DNM3: variants seen among roughly 807,000 people sequenced by gnomAD.
The protein encoded by DNM3 is dynamin-3.
Under a neutral mutation model 101.6 loss-of-function variants are expected in DNM3, and 47 were observed. The observed-to-expected ratio is 0.46, with a 90% CI of 0.37 to 0.59. The LOEUF (loss-of-function observed/expected upper bound fraction) is 0.59, where lower values mean the gene tolerates loss of function less well. Ranked by LOEUF, DNM3 falls within the 20% of genes least tolerant of loss-of-function variation. The probability of loss-of-function intolerance (pLI) is 0.00; values close to 1 mark genes in which losing one functional copy is unlikely to be tolerated. For synonymous variants in DNM3, 385 were observed against 387.9 expected, an observed-to-expected ratio of 0.99 and a Z score of 0.09; for missense variants, 849 against 1,085.7, an observed-to-expected ratio of 0.78 and a Z score of 3.06.
Position 171,845,223 on chromosome 1 carries a change from C to A in DNM3, c.161+3406C>A, listed in dbSNP as rs529055262. Reference sequence around the variant, plus strand: ...TTCCTCTGATAAATACTTTTAACTTCTGTCTTGCTCCCTATATAAATGTTA... The same window carrying A: ...TTCCTCTGATAAATACTTTTAACTTATGTCTTGCTCCCTATATAAATGTTA... On this transcript the variant is annotated intron_variant, in intron 1 of 20. Transcript: ENST00000627582. Among the ~76,000 whole-genome samples the A allele has an allele frequency of 5.9e-5, 9 of 152,300 alleles. No individual in the cohort carries two copies. The South Asian group carries it at 1.7e-3, about 28-fold the overall frequency.
At chr1:172,413,649 C>T (rs891898018), downstream of DNM3, among the ~76,000 whole-genome samples, 4 of 152,102 alleles carry the variant, frequency 2.6e-5, no homozygotes, top group Non-Finnish European at 5.9e-5. Flanking sequence ...ATGACAAGTC[C>T]CTTATCAATT....
chr1:172,215,177 A>G (rs1356603638), intron 14 of DNM3, among the ~76,000 whole-genome samples: 2 of 151,908 alleles, frequency 1.3e-5, no homozygotes, highest in Admixed American at 6.6e-5. Context: ...CTCTTTTAGT[A>G]GTCATTGTTT....
chr1:172,007,386 C>T lies in DNM3; in HGVS notation c.589+18238C>T, dbSNP rs78522701. Among the ~76,000 whole-genome samples the T allele has an allele frequency of 1.7e-3, 261 of 152,156 alleles. 5 individuals are homozygous for T. In the East Asian group the frequency reaches 0.047, roughly 28 times the overall value. On this transcript the variant is annotated intron_variant, in intron 4 of 20. Coordinates refer to ENST00000627582, the MANE Select transcript of DNM3 (RefSeq NM_015569.5). The stretch of plus-strand genomic sequence containing the variant: ...TGCATGTCTCTGAGTGTCATCTTAG[C>T]GGTGATGCTGAGCATCAGTTCACGT...
intron 18 of DNM3, among the ~76,000 whole-genome samples, chr1:172,385,992 G>GT (rs2069156468): frequency 6.6e-6 from 1 of 152,070 alleles, no homozygotes; most frequent in Non-Finnish European, 1.5e-5. Flanking sequence ...AAGTCAGAAG[G>GT]TTATGGATTC....
At chr1:172,362,123 T>C (rs2067773091) in intron 17 of DNM3, among the ~76,000 whole-genome samples, 1 of 152,002 alleles carries the variant, frequency 6.6e-6, no homozygotes, top group Admixed American at 6.6e-5. Flanking sequence ...TCTCTTCTTA[T>C]TCTTCCTTTA....
At chr1:172,143,041 C>T (rs1270281484) in intron 14 of DNM3, among the ~76,000 whole-genome samples, 1 of 151,896 alleles carries the variant, frequency 6.6e-6, no homozygotes, top group Admixed American at 6.6e-5. Context: ...TATATTTTAA[C>T]TAATAATCAT....
chr1:172,233,840 GC>G (rs1167610402), intron 14 of DNM3, among the ~76,000 whole-genome samples: 2 of 151,838 alleles, frequency 1.3e-5, no homozygotes, highest in African/African-American at 4.8e-5. Context: ...AAATTCAACA[GC>G]CCTTCACGCT....
chr1:171,997,686 T>C lies in DNM3; in HGVS notation c.589+8538T>C, dbSNP rs570382558. On this transcript the variant is annotated intron_variant, in intron 4 of 20. Transcript: ENST00000627582. ...TTGCTTAAAAGACATTTATCAGGCA[T>C]CTGTTGAGCCAGCAAAATGCTCCTG... 9.9e-5 allele frequency among the ~76,000 whole-genome samples: 15 copies of C among 152,280 alleles called. No individual in the cohort carries two copies. In the East Asian group the frequency reaches 2.9e-3, roughly 29 times the overall value.
chr1:172,168,906 C>G lies in DNM3; in HGVS notation c.1659+37618C>G, dbSNP rs1179488980. Among the ~76,000 whole-genome samples the G allele has an allele frequency of 5.3e-5, 8 of 151,870 alleles. No individual in the cohort carries two copies. The East Asian group carries it at 1.2e-3, about 22-fold the overall frequency. ...AAGGGGTTTCTTGGTAAAAGATTATCAAGAAGGGGTTTCTACTATGTTGTA... is the reference window on the plus strand; with the variant it reads ...AAGGGGTTTCTTGGTAAAAGATTATGAAGAAGGGGTTTCTACTATGTTGTA... On this transcript the variant is annotated intron_variant, in intron 14 of 20. Coordinates refer to ENST00000627582, the MANE Select transcript of DNM3 (RefSeq NM_015569.5).
intron 14 of DNM3, among the ~76,000 whole-genome samples, chr1:172,191,110 G>A (rs990292507): frequency 6.6e-6 from 1 of 152,060 alleles, no homozygotes; most frequent in Non-Finnish European, 1.5e-5. Flanking sequence ...GTCCTGAATG[G>A]TATTGCCTAG....
At chr1:171,979,751 G>A (rs1453970571) in intron 2 of DNM3, among the ~76,000 whole-genome samples, 1 of 152,166 alleles carries the variant, frequency 6.6e-6, no homozygotes, top group Non-Finnish European at 1.5e-5. Context: ...GAAGAAAACT[G>A]TAAAGGCTAT....
At chr1:172,128,335 A>G (rs928771612) in intron 13 of DNM3, among the ~76,000 whole-genome samples, 4 of 151,994 alleles carry the variant, frequency 2.6e-5, no homozygotes, top group African/African-American at 9.7e-5. Flanking sequence ...GAATTTGTCA[A>G]CTCCTCCAGT....
chr1:172,038,507 C>A, intron 7 of DNM3, 46 bp downstream of exon 7: 2 of 1,597,348 alleles, frequency 1.3e-6, no homozygotes, highest in Non-Finnish European at 1.7e-6. Context: ...AATCTAATTT[C>A]TTTAGTTTTC....
At chr1:172,146,005 A>C (rs1392527115) in intron 14 of DNM3, among the ~76,000 whole-genome samples, 1 of 152,158 alleles carries the variant, frequency 6.6e-6, no homozygotes, top group Non-Finnish European at 1.5e-5. Context: ...TTCTGATCAA[A>C]GCTAGAGTCG....
At position 171,862,524 on chromosome 1, in the gene DNM3, G is replaced by A. The variant is rs1254332962; in HGVS notation, c.161+20707G>A. Among the ~76,000 whole-genome samples, 5 of 152,126 alleles carry A rather than the reference G, an allele frequency of 3.3e-5. 1 individual carries two copies. Among genetic ancestry groups the A allele is most frequent in the African/African-American group, 4.8e-5 (2 of 41,446 alleles). Reference sequence around the variant, plus strand: ...CAATAGTATATGATTCCATTTATATGAAATGTATAGAGTAGAGACAGAAAG... The same window carrying A: ...CAATAGTATATGATTCCATTTATATAAAATGTATAGAGTAGAGACAGAAAG... On this transcript the variant is annotated intron_variant, in intron 1 of 20. Transcript: ENST00000627582.
chr1:172,154,813 G>GA (rs2058275505), intron 14 of DNM3, among the ~76,000 whole-genome samples: 1 of 152,122 alleles, frequency 6.6e-6, no homozygotes, highest in South Asian at 2.1e-4. Flanking sequence ...AAATTAAAAC[G>GA]AAAGTCTCAT....
intron 15 of DNM3, among the ~76,000 whole-genome samples, chr1:172,299,105 G>A (rs116665944): frequency 2.6e-5 from 4 of 152,174 alleles, no homozygotes; most frequent in Non-Finnish European, 5.9e-5. Flanking sequence ...ACTGTGCAAA[G>A]AGAGATGGAA....
rs999751478 is a variant in DNM3 at position 171,841,920 on chromosome 1, G to A, written c.161+103G>A. On this transcript the variant is annotated intron_variant, in intron 1 of 20. Coordinates refer to ENST00000627582, the MANE Select transcript of DNM3 (RefSeq NM_015569.5). ...CGGGAGCCAGAGGGTGGATGGACCA[G>A]GCGCTGCGGTGGAATGGGGGGCAGA... 2.2e-6 allele frequency: 3 copies of A among 1,375,472 alleles called. No individual in the cohort carries two copies. The African/African-American group carries it at 4.5e-5, about 20-fold the overall frequency. The allele number at this position is 1,375,472 out of a possible 1,614,324, so 85.2% of individuals were successfully genotyped here.
chr1:171,903,865 T>C (rs976873213), intron 1 of DNM3, among the ~76,000 whole-genome samples: 1 of 152,240 alleles, frequency 6.6e-6, no homozygotes, highest in Admixed American at 6.5e-5. Context: ...TAAAATGTTC[T>C]ATTATAGCCA....
Sources: allele counts gnomAD v4.1 joint callset (sites outside exome capture counted in the v4.1 genomes callset), GRCh38; gene constraint gnomAD v4.1.1; transcripts MANE v1.5; gene names NCBI Gene and HGNC (gene_info 2026-07-23, HGNC 2026-07-21).